BMPR1B: variants seen among roughly 807,000 people sequenced by gnomAD.
BMPR1B encodes the protein bone morphogenetic protein receptor type-1B.
A neutral mutation model predicts 59.1 loss-of-function variants in BMPR1B; 12 were observed. The observed-to-expected ratio is 0.20, with a 90% confidence interval of 0.13 to 0.33. BMPR1B has a LOEUF of 0.33. BMPR1B is among the 10% of genes least tolerant of loss of function. The probability of loss-of-function intolerance (pLI) is 1.00; values close to 1 mark genes in which losing one functional copy is unlikely to be tolerated. For synonymous variants in BMPR1B, 237 were observed against 207.3 expected (o/e 1.14, Z -1.23); for missense variants, 550 against 610.9 (o/e 0.90, Z 1.05).
At chr4:94,997,423 T>G (rs1489831732) in intron 3 of BMPR1B, among the ~76,000 whole-genome samples, 1 of 152,212 alleles carries the variant, frequency 6.6e-6, no homozygotes, top group Non-Finnish European at 1.5e-5. Flanking sequence ...AGAATATGTT[T>G]AAATGTAAAG....
In BMPR1B at chr4:94,885,942, T is replaced by C. The variant is rs138109839; in HGVS notation, c.-113+10042T>C. 6.8e-3 allele frequency among the ~76,000 whole-genome samples: 1,035 copies of C among 152,194 alleles called. 12 individuals carry two copies. The highest frequency in any genetic ancestry group is 0.023 in the African/African-American group (969 of 41,526). On this transcript the variant is annotated intron_variant, in intron 2 of 12. Coordinates refer to ENST00000515059, the MANE Select transcript of BMPR1B (RefSeq NM_001203.3). ...TCCCTTCAGAAGGAAGGTTAGTAAATGTGGAAAAAATGAAGAACACAAAGT... is the reference window on the plus strand; with the variant it reads ...TCCCTTCAGAAGGAAGGTTAGTAAACGTGGAAAAAATGAAGAACACAAAGT...
intron 1 of BMPR1B, among the ~76,000 whole-genome samples, chr4:94,829,827 A>T (rs1273818824): frequency 6.6e-6 from 1 of 152,168 alleles, no homozygotes; most frequent in Admixed American, 6.5e-5. Flanking sequence ...GTAGTTTATT[A>T]TATTTTACAG....
chr4:94,849,794 GT>G (rs1578718220), intron 1 of BMPR1B, among the ~76,000 whole-genome samples: 3 of 23,294 alleles, frequency 1.3e-4, no homozygotes, highest in East Asian at 1.5e-3. Flanking sequence ...GGGTTTTTTG[GT>G]GTGTGTGTGT....
At chr4:94,885,526 A>G (rs1727140056) in intron 2 of BMPR1B, among the ~76,000 whole-genome samples, 1 of 152,182 alleles carries the variant, frequency 6.6e-6, no homozygotes, top group African/African-American at 2.4e-5. Flanking sequence ...TGGTGCTAAC[A>G]TATTTATCAC....
chr4:94,896,042 C>A (rs568627669), intron 2 of BMPR1B, among the ~76,000 whole-genome samples: 1 of 152,062 alleles, frequency 6.6e-6, no homozygotes, highest in East Asian at 1.9e-4. Flanking sequence ...GCAAGGATAG[C>A]AGTAAAACTT....
intron 3 of BMPR1B, among the ~76,000 whole-genome samples, chr4:95,084,318 C>T (rs578261229): frequency 8.6e-5 from 13 of 150,544 alleles, no homozygotes; most frequent in East Asian, 1.9e-4. Context: ...TATATTTATA[C>T]GTGTGTGTGT....
At chr4:95,152,549 G>T in intron 11 of BMPR1B, 94 bp from the exon 12 acceptor site, 1 of 1,165,724 alleles carries the variant, frequency 8.6e-7, no homozygotes. Flanking sequence ...CTGTAATACT[G>T]ATAGCACTTT....
At chr4:95,041,378 C>T (rs1269645337) in intron 3 of BMPR1B, among the ~76,000 whole-genome samples, 1 of 152,026 alleles carries the variant, frequency 6.6e-6, no homozygotes, top group African/African-American at 2.4e-5. Flanking sequence ...AAACACTTTA[C>T]ACGCTTTAGA....
At chr4:95,032,987 G>C (rs919491818) in intron 3 of BMPR1B, among the ~76,000 whole-genome samples, 1 of 152,048 alleles carries the variant, frequency 6.6e-6, no homozygotes, top group Non-Finnish European at 1.5e-5. Flanking sequence ...ACCAACACTT[G>C]TTATTTTGTG....
At chr4:95,040,322 G>C (rs1188442087) in intron 3 of BMPR1B, among the ~76,000 whole-genome samples, 3 of 152,116 alleles carry the variant, frequency 2.0e-5, no homozygotes, top group African/African-American at 7.2e-5. Context: ...AAATCCTTTT[G>C]TGTTAAGTAT....
intron 1 of BMPR1B, among the ~76,000 whole-genome samples, chr4:94,813,755 G>T (rs1419200808): frequency 1.3e-5 from 2 of 152,204 alleles, no homozygotes; most frequent in South Asian, 4.1e-4. Flanking sequence ...AGAAATGATG[G>T]CTTAGACTGG....
chr4:95,148,058 A>G (rs147236529), intron 10 of BMPR1B, among the ~76,000 whole-genome samples: 24 of 152,336 alleles, frequency 1.6e-4, no homozygotes, highest in African/African-American at 5.8e-4. Flanking sequence ...AAAAAGTTAA[A>G]TGCTATTTGG....
chr4:94,977,115 CA>C (rs1017162659), intron 2 of BMPR1B, among the ~76,000 whole-genome samples: 2 of 152,154 alleles, frequency 1.3e-5, no homozygotes, highest in Non-Finnish European at 2.9e-5. Flanking sequence ...ACCCCATTAG[CA>C]AAAGCCATGC....
At chr4:95,053,661 A>G (rs1172875472) in intron 3 of BMPR1B, among the ~76,000 whole-genome samples, 1 of 152,138 alleles carries the variant, frequency 6.6e-6, no homozygotes, top group Admixed American at 6.5e-5. Flanking sequence ...ATGTACATTG[A>G]GATAGGACTG....
chr4:95,012,502 T>C (rs548151028), intron 3 of BMPR1B, among the ~76,000 whole-genome samples: 1 of 152,336 alleles, frequency 6.6e-6, no homozygotes, highest in South Asian at 2.1e-4. Flanking sequence ...AATTGATTCT[T>C]GATATATTTG....
chr4:94,759,872 GGGAAACATA>G (rs1472271891), intron 1 of BMPR1B, among the ~76,000 whole-genome samples: 2 of 152,144 alleles, frequency 1.3e-5, no homozygotes, highest in Non-Finnish European at 2.9e-5. Flanking sequence ...GTCTTTTTAT[GGGAAACATA>G]GCTGGGAAAT....
chr4:94,862,399 C>A (rs1416528802), intron 1 of BMPR1B, among the ~76,000 whole-genome samples: 1 of 151,718 alleles, frequency 6.6e-6, no homozygotes, highest in Admixed American at 6.6e-5. Flanking sequence ...GAGCCACCTG[C>A]TTCCACCTCC....
intron 1 of BMPR1B, among the ~76,000 whole-genome samples, chr4:94,781,872 T>C (rs1445079519): frequency 2.0e-5 from 3 of 152,216 alleles, no homozygotes; most frequent in Non-Finnish European, 4.4e-5. Context: ...TTAACCTCAT[T>C]GCAGTTTCCT....
At chr4:95,150,292 T>A (rs978379421) in intron 11 of BMPR1B, among the ~76,000 whole-genome samples, 9 of 152,096 alleles carry the variant, frequency 5.9e-5, no homozygotes, top group Admixed American at 2.6e-4. Flanking sequence ...ACCAAAAAAT[T>A]TAACAAATTG....
Sources: gnomAD v4.1 joint callset for allele counts (sites outside exome capture counted in the v4.1 genomes callset) on GRCh38, gnomAD v4.1.1 for gene constraint, MANE v1.5 for transcripts, NCBI Gene and HGNC (gene_info 2026-07-23, HGNC 2026-07-21) for gene names.